Variants in EAPP observed in about 807,000 individuals in gnomAD.
EAPP encodes the protein E2F associated phosphoprotein, also known as E2F-associated phosphoprotein.
A neutral mutation model predicts 34.3 loss-of-function variants in EAPP; 38 were observed. The observed-to-expected ratio is 1.11, with a 90% CI of 0.85 to 1.45. The LOEUF is 1.45. Ranked by LOEUF, EAPP falls within the 40% of genes most tolerant of loss-of-function variation. The pLI, the probability that EAPP is intolerant of heterozygous loss-of-function variation, is 0.00. For missense variants in EAPP, 338 were observed against 343.7 expected, an observed-to-expected ratio of 0.98 and a Z score of 0.13; for synonymous variants, 113 against 117.6, an observed-to-expected ratio of 0.96 and a Z score of 0.25.
intron 3 of EAPP, among the ~76,000 whole-genome samples, chr14:34,529,893 G>C (rs1442104350): frequency 1.3e-5 from 2 of 152,134 alleles, no homozygotes; most frequent in Non-Finnish European, 2.9e-5. Flanking sequence ...GTAGGCACCT[G>C]TAATCCCAGC....
rs763980359 is a variant in EAPP, at chr14:34,524,760, G to A, written c.518C>T (p.Pro173Leu). 6 of 1,612,860 alleles carry A rather than the reference G, an allele frequency of 3.7e-6. No homozygotes were observed. The highest frequency in any genetic ancestry group is 1.6e-4 in the Middle Eastern group (1 of 6,078). Residue 173 changes from proline (P) to leucine (L), a missense_variant, in exon 5 of 6, where the codon CCA becomes CTA. Transcript: ENST00000250454. ...ACAATTCAAGACAGCATCACTATTT[G>A]GAACAGGCTGTTGTTGACGTGATCT... ...PQRSRQQQPV[P>L]NSDAVLNCPA...
chr14:34,519,887 T>C (rs1315691177), intron 5 of EAPP, among the ~76,000 whole-genome samples: 1 of 146,384 alleles, frequency 6.8e-6, no homozygotes, highest in East Asian at 1.9e-4. Flanking sequence ...TTTCTTTTCT[T>C]TTTTTTTTTT....
intron 3 of EAPP, among the ~76,000 whole-genome samples, chr14:34,531,814 C>T (rs1164754524): frequency 1.3e-5 from 2 of 151,928 alleles, no homozygotes; most frequent in African/African-American, 2.4e-5. Context: ...CAGTAGCTCA[C>T]GCCTGTAATC....
intron 4 of EAPP, 149 bp from the exon 5 acceptor site, chr14:34,524,956 T>C (rs1880048093): frequency 1.6e-6 from 1 of 615,546 alleles, no homozygotes; most frequent in Non-Finnish European, 2.8e-6. Context: ...GAGCATCTTT[T>C]AGTGCCAGAA....
chr14:34,529,308 C>T (rs1301344161), intron 4 of EAPP, 50 bp downstream of exon 4: 4 of 1,330,648 alleles, frequency 3.0e-6, no homozygotes, highest in Non-Finnish European at 4.3e-6. Context: ...TAAAAATCAT[C>T]TTTCAATCTT....
At chr14:34,537,211 A>T (rs1880508089) in intron 1 of EAPP, among the ~76,000 whole-genome samples, 1 of 152,060 alleles carries the variant, frequency 6.6e-6, no homozygotes. Context: ...TGATTTCATC[A>T]TGTTGCTCAG....
At position 34,516,581 on chromosome 14, in the gene EAPP, T is replaced by G. The variant is rs1879740927; in HGVS notation, c.587A>C (p.Glu196Ala). ...TTLCLDCQRHESYKTQYRAMF... is the reference protein window; with the variant it reads ...TTLCLDCQRHASYKTQYRAMF... ...TGCTCTATATTGAGTTTTGTATGAT[T>G]CATGCCTAAGAGAAAAATGAAATGG... Residue 196 changes from glutamate (E) to alanine (A), a missense_variant, in exon 6 of 6, where the codon GAA becomes GCA. Coordinates refer to ENST00000250454, the MANE Select transcript of EAPP (RefSeq NM_018453.4). 2 of 1,604,664 alleles carry G rather than the reference T, an allele frequency of 1.2e-6. No homozygotes were observed. Among genetic ancestry groups the G allele is most frequent in the Non-Finnish European group, 1.7e-6 (2 of 1,176,502 alleles).
Position 34,524,118 on chromosome 14 carries a change from G to A in EAPP, c.581+579C>T, listed in dbSNP as rs116207226. On this transcript the variant is annotated intron_variant, in intron 5 of 5. Transcript: ENST00000250454. ...TAAAAATATAAAAATAAGGCCGGGC[G>A]TGGTAGCTCACAGCTGTAATCCCAG... Among the ~76,000 whole-genome samples, 547 of 151,944 alleles carry A rather than the reference G, an allele frequency of 3.6e-3. 4 individuals carry two copies. Among genetic ancestry groups the A allele is most frequent in the African/African-American group, 0.013 (527 of 41,440 alleles).
chr14:34,534,645 A>G (rs1467327903), intron 2 of EAPP, among the ~76,000 whole-genome samples: 2 of 152,136 alleles, frequency 1.3e-5, no homozygotes, highest in Non-Finnish European at 2.9e-5. Context: ...AAAAACTGCA[A>G]AATAAAATTA....
At chr14:34,519,533 CAAA>C (rs879761615) in intron 5 of EAPP, among the ~76,000 whole-genome samples, 5 of 113,508 alleles carry the variant, frequency 4.4e-5, no homozygotes, top group Non-Finnish European at 3.8e-5. Context: ...GACTCCCTCT[CAAA>C]AAAAAAAAAA....
chr14:34,526,614 G>A (rs954210264), intron 4 of EAPP, among the ~76,000 whole-genome samples: 1 of 151,776 alleles, frequency 6.6e-6, no homozygotes, highest in Non-Finnish European at 1.5e-5. Flanking sequence ...AACCGGGCAT[G>A]GTGGCTCACA....
At chr14:34,524,392 A>G (rs897989840) in intron 5 of EAPP, among the ~76,000 whole-genome samples, 2 of 151,862 alleles carry the variant, frequency 1.3e-5, no homozygotes, top group African/African-American at 4.8e-5. Context: ...TCATCTCAAC[A>G]AAACAAAACA....
At chr14:34,524,108 AAGGC>A (rs1367093405) in intron 5 of EAPP, among the ~76,000 whole-genome samples, 1 of 151,674 alleles carries the variant, frequency 6.6e-6, no homozygotes, top group African/African-American at 2.4e-5. Context: ...ATATAAAAAT[AAGGC>A]CGGGCGTGGT....
intron 4 of EAPP, among the ~76,000 whole-genome samples, chr14:34,526,936 C>T (rs951476227): frequency 5.9e-5 from 9 of 151,398 alleles, no homozygotes; most frequent in African/African-American, 1.7e-4. Context: ...TTTGGGAGGC[C>T]GAGGCAGGTG....
intron 1 of EAPP, among the ~76,000 whole-genome samples, chr14:34,538,402 ATAAT>A (rs1880546621): frequency 8.3e-6 from 1 of 120,698 alleles, no homozygotes; most frequent in Admixed American, 8.4e-5. Context: ...AAATAAATAA[ATAAT>A]TGAGACATAC....
At chr14:34,520,896 T>A (rs1033478165) in intron 5 of EAPP, among the ~76,000 whole-genome samples, 7 of 152,060 alleles carry the variant, frequency 4.6e-5, no homozygotes, top group Non-Finnish European at 8.8e-5. Context: ...TTATATGCTA[T>A]TTGCTTCATT....
chr14:34,519,925 C>A (rs1879861673), intron 5 of EAPP, among the ~76,000 whole-genome samples: 1 of 148,082 alleles, frequency 6.8e-6, no homozygotes, highest in Non-Finnish European at 1.5e-5. Context: ...GCCCTTGTTG[C>A]CCAGGCTGAA....
intron 1 of EAPP, 160 bp downstream of exon 1, chr14:34,539,395 G>A: frequency 1.3e-6 from 1 of 779,454 alleles, no homozygotes; most frequent in Non-Finnish European, 2.2e-6. Flanking sequence ...GGGACTGCGC[G>A]ACCCCATCAG....
chr14:34,517,255 T>C (rs181140406), intron 5 of EAPP, among the ~76,000 whole-genome samples: 3 of 149,840 alleles, frequency 2.0e-5, no homozygotes, highest in East Asian at 4.0e-4. Flanking sequence ...TTTCTTTTTT[T>C]TTTTTTTTTT....
Sources: allele counts gnomAD v4.1 joint callset (sites outside exome capture counted in the v4.1 genomes callset), GRCh38; gene constraint gnomAD v4.1.1; transcripts MANE v1.5; gene names NCBI Gene and HGNC (gene_info 2026-07-23, HGNC 2026-07-21).